The following TBC1D22B variants were observed in gnomAD, a reference collection of about 807,000 sequenced individuals.
TBC1D22B encodes TBC1 domain family member 22B.
TBC1D22B carries 32 observed loss-of-function variants against 69.1 expected under a neutral mutation model. That is an observed-to-expected ratio of 0.46 (90% confidence interval 0.35 to 0.62). The LOEUF (loss-of-function observed/expected upper bound fraction) is 0.62, where lower values mean the gene tolerates loss of function less well. Ranked by LOEUF, TBC1D22B falls within the 20% of genes least tolerant of loss-of-function variation. TBC1D22B has a pLI of 0.00. For synonymous variants in TBC1D22B, 206 were observed against 229.8 expected, an observed-to-expected ratio of 0.90 and a Z score of 0.94; for missense variants, 462 against 630.9, an observed-to-expected ratio of 0.73 and a Z score of 2.87.
At chr6:37,313,121 C>T (rs932117863) in intron 9 of TBC1D22B, 97 bp downstream of exon 9, 3 of 813,772 alleles carry the variant, frequency 3.7e-6, no homozygotes, top group Non-Finnish European at 6.3e-6. Flanking sequence ...CAGGCAGGAC[C>T]ACCCACCCAC....
Position 37,284,414 on chromosome 6 carries a change from CA to C in TBC1D22B, c.752del (p.Gln251ArgfsTer86). The C allele has an allele frequency of 6.2e-7, 1 of 1,612,644 alleles. No homozygotes were observed. The highest frequency in any genetic ancestry group is 8.5e-7 in the Non-Finnish European group (1 of 1,179,294). On this transcript the variant is annotated frameshift_variant, in exon 6 of 13. Transcript: ENST00000373491. LOFTEE classifies it high-confidence loss of function. Reference protein sequence around the residue: ...KREEYFGFIEQYYDSRNEEHH... With the variant: ...KREEYFGFIEXYYDSRNEEHH... ...GGAGGAATATTTTGGCTTCATTGAACAGTATTATGACTCTCGAAACGAGGAA... is the reference window on the plus strand; with the variant it reads ...GGAGGAATATTTTGGCTTCATTGAACGTATTATGACTCTCGAAACGAGGAA...
At chr6:37,302,377 C>A (rs1767595097) in intron 8 of TBC1D22B, among the ~76,000 whole-genome samples, 1 of 152,182 alleles carries the variant, frequency 6.6e-6, no homozygotes, top group Admixed American at 6.5e-5. Context: ...ATTCTAAACT[C>A]TTTCCTCCAA....
At chr6:37,323,700 C>T (rs1413730193) in intron 12 of TBC1D22B, among the ~76,000 whole-genome samples, 1 of 152,244 alleles carries the variant, frequency 6.6e-6, no homozygotes, top group Admixed American at 6.5e-5. Context: ...CCACCCACCA[C>T]TTCTGCAAGA....
chr6:37,305,672 C>A (rs1767692913), intron 8 of TBC1D22B, among the ~76,000 whole-genome samples: 1 of 152,114 alleles, frequency 6.6e-6, no homozygotes, highest in Non-Finnish European at 1.5e-5. Flanking sequence ...CGCCCGCCAC[C>A]ACGCCTGGCT....
At chr6:37,282,751 C>A in intron 4 of TBC1D22B, 131 bp from the exon 5 acceptor site, 1 of 892,452 alleles carries the variant, frequency 1.1e-6, no homozygotes, top group Non-Finnish European at 1.8e-6. Context: ...GGGCTTTTCA[C>A]TGTGCTTATG....
Position 37,312,995 on chromosome 6 carries a change from T to C in TBC1D22B, c.1060T>C (p.Cys354Arg). 1 of 1,614,214 alleles carries C rather than the reference T, an allele frequency of 6.2e-7. No individual in the cohort carries two copies. Among genetic ancestry groups the C allele is most frequent in the Non-Finnish European group, 8.5e-7 (1 of 1,180,026 alleles). ...LRSIEADSFW[C>R]MSKLLDGIQD... is the part of the protein sequence containing the mutation. ...AAGCATTGAGGCTGACAGCTTTTGG[T>C]GCATGAGCAAGCTGCTGGATGGAAT... The change falls in exon 9 of 13, where the codon TGC becomes CGC. Residue 354 changes from cysteine (C) to arginine (R), a missense_variant. Cys to Arg is a radical substitution (Grantham distance 180). Coordinates refer to ENST00000373491, the MANE Select transcript of TBC1D22B (RefSeq NM_017772.4).
At chr6:37,261,290 G>A (rs1460022529) in intron 1 of TBC1D22B, among the ~76,000 whole-genome samples, 1 of 151,864 alleles carries the variant, frequency 6.6e-6, no homozygotes, top group East Asian at 1.9e-4. Flanking sequence ...AAATTAGCTG[G>A]GCTTGGTGGT....
intron 10 of TBC1D22B, 95 bp from the exon 11 acceptor site, chr6:37,316,608 G>A (rs574161461): frequency 1.4e-6 from 2 of 1,435,650 alleles, no homozygotes; most frequent in East Asian, 4.6e-5. Context: ...CCCATGGGAG[G>A]GGGCAGTAAG....
intron 12 of TBC1D22B, among the ~76,000 whole-genome samples, chr6:37,328,148 T>A (rs942392796): frequency 6.6e-6 from 1 of 151,920 alleles, no homozygotes; most frequent in South Asian, 2.1e-4. Context: ...ACCCCATCTC[T>A]ACTAAAAATA....
At chr6:37,313,096 C>A in intron 9 of TBC1D22B, 72 bp downstream of exon 9, 1 of 1,229,780 alleles carries the variant, frequency 8.1e-7, no homozygotes, top group Non-Finnish European at 1.2e-6. Flanking sequence ...TGGTTTCTTT[C>A]TTGCTCTTCT....
intron 9 of TBC1D22B, 34 bp from the exon 10 acceptor site, chr6:37,313,782 T>A: frequency 6.3e-7 from 1 of 1,594,722 alleles, no homozygotes; most frequent in Non-Finnish European, 8.6e-7. Flanking sequence ...CAAGTTAGAG[T>A]CCATGTTCAT....
chr6:37,310,233 TAAAAAAAC>T (rs1767862199), intron 8 of TBC1D22B, among the ~76,000 whole-genome samples: 1 of 146,164 alleles, frequency 6.8e-6, no homozygotes, highest in African/African-American at 2.5e-5. Context: ...CTTACATATA[TAAAAAAAC>T]AAAAAAACCT....
chr6:37,326,264 C>T (rs1041444609), intron 12 of TBC1D22B, among the ~76,000 whole-genome samples: 1 of 150,968 alleles, frequency 6.6e-6, no homozygotes, highest in African/African-American at 2.4e-5. Flanking sequence ...CCTGTAATCT[C>T]AGCTACTCAG....
intron 2 of TBC1D22B, among the ~76,000 whole-genome samples, chr6:37,278,501 A>G (rs1766730822): frequency 6.6e-6 from 1 of 152,184 alleles, no homozygotes; most frequent in Non-Finnish European, 1.5e-5. Flanking sequence ...TTTCCTGCTC[A>G]TGCTACATGT....
chr6:37,315,226 A>G (rs1768041849), intron 10 of TBC1D22B, among the ~76,000 whole-genome samples: 1 of 152,166 alleles, frequency 6.6e-6, no homozygotes, highest in Non-Finnish European at 1.5e-5. Flanking sequence ...TTAAGTATAT[A>G]TATCTTGGAT....
chr6:37,266,450 A>G (rs916052455), intron 1 of TBC1D22B, among the ~76,000 whole-genome samples: 6 of 146,398 alleles, frequency 4.1e-5, no homozygotes, highest in Admixed American at 2.9e-4. Context: ...GTCAGTGAAT[A>G]TAGAACTGCC....
intron 12 of TBC1D22B, among the ~76,000 whole-genome samples, chr6:37,323,673 C>T (rs1051423574): frequency 6.6e-6 from 1 of 152,192 alleles, no homozygotes; most frequent in African/African-American, 2.4e-5. Flanking sequence ...AAATAAATCC[C>T]TTGAACCAGA....
At chr6:37,313,439 A>G (rs1483522124) in intron 9 of TBC1D22B, among the ~76,000 whole-genome samples, 1 of 151,872 alleles carries the variant, frequency 6.6e-6, no homozygotes, top group Non-Finnish European at 1.5e-5. Flanking sequence ...GTAGTGAGCC[A>G]TGATCACACC....
At chr6:37,286,913 C>A in intron 6 of TBC1D22B, 94 bp from the exon 7 acceptor site, 1 of 1,155,208 alleles carries the variant, frequency 8.7e-7, no homozygotes, top group Non-Finnish European at 1.3e-6. Flanking sequence ...CATTGCACTC[C>A]AGCCTGGGGG....
Sources: gnomAD v4.1 joint callset for allele counts (sites outside exome capture counted in the v4.1 genomes callset) on GRCh38, gnomAD v4.1.1 for gene constraint, MANE v1.5 for transcripts, NCBI Gene and HGNC (gene_info 2026-07-23, HGNC 2026-07-21) for gene names.